Variants in ROBO1 observed in about 807,000 individuals in gnomAD.
ROBO1 encodes roundabout homolog 1.
In ROBO1, 149 loss-of-function variants were observed where a neutral mutation model predicts 195.9. The ratio of observed to expected loss-of-function variants is 0.76; its 90% CI spans 0.67 to 0.87. The LOEUF (loss-of-function observed/expected upper bound fraction) is 0.87. Ranked by LOEUF, ROBO1 falls within the 40% of genes least tolerant of loss-of-function variation. The pLI, the probability that ROBO1 is intolerant of heterozygous loss-of-function variation, is 0.00. For missense variants in ROBO1, 1,933 were observed against 2,068.3 expected (o/e 0.93, Z 1.27); for synonymous variants, 816 against 733.2 (o/e 1.11, Z -1.82).
chr3:78,868,598 G>A (rs1260581518), intron 4 of ROBO1, among the ~76,000 whole-genome samples: 2 of 152,118 alleles, frequency 1.3e-5, no homozygotes, highest in Admixed American at 1.3e-4. Context: ...GCCAAAGGTA[G>A]AGACAAAACT....
At chr3:78,656,040 T>C (rs1706986091) in intron 18 of ROBO1, among the ~76,000 whole-genome samples, 1 of 152,198 alleles carries the variant, frequency 6.6e-6, no homozygotes, top group Admixed American at 6.5e-5. Flanking sequence ...TAGATTTTAC[T>C]AGCATGCACT....
chr3:79,012,936 C>A (rs2077823324), intron 3 of ROBO1, among the ~76,000 whole-genome samples: 1 of 151,976 alleles, frequency 6.6e-6, no homozygotes, highest in African/African-American at 2.4e-5. Flanking sequence ...TCATGCTAAT[C>A]AAGAATTGTA....
intron 8 of ROBO1, among the ~76,000 whole-genome samples, chr3:78,695,200 A>T (rs1012055307): frequency 1.3e-5 from 2 of 152,024 alleles, no homozygotes; most frequent in Non-Finnish European, 2.9e-5. Flanking sequence ...GCACACCATC[A>T]TGGCACATGT....
At chr3:79,337,920 C>CA (rs2034743156) in intron 2 of ROBO1, among the ~76,000 whole-genome samples, 1 of 151,996 alleles carries the variant, frequency 6.6e-6, no homozygotes, top group Admixed American at 6.5e-5. Flanking sequence ...AAAGGCAAAA[C>CA]AAAATATTAT....
At chr3:79,312,685 T>G (rs553881064) in intron 2 of ROBO1, among the ~76,000 whole-genome samples, 4 of 152,328 alleles carry the variant, frequency 2.6e-5, no homozygotes, top group East Asian at 1.9e-4. Flanking sequence ...TAGATTCATG[T>G]TGATTCACTG....
chr3:79,677,524 C>T (rs1946820761), intron 1 of ROBO1, among the ~76,000 whole-genome samples: 1 of 152,066 alleles, frequency 6.6e-6, no homozygotes. Context: ...TATTCACTAT[C>T]ATGAGAACAG....
intron 8 of ROBO1, among the ~76,000 whole-genome samples, chr3:78,711,433 T>C (rs2081734624): frequency 8.7e-6 from 1 of 114,798 alleles, no homozygotes; most frequent in Non-Finnish European, 1.7e-5. Flanking sequence ...CTTTCTTTCT[T>C]TCTTTCTTTC....
At chr3:79,549,075 G>A (rs1942380185) in intron 2 of ROBO1, among the ~76,000 whole-genome samples, 1 of 152,108 alleles carries the variant, frequency 6.6e-6, no homozygotes, top group Non-Finnish European at 1.5e-5. Context: ...TCCATTGGGT[G>A]AAAAATCCTG....
At chr3:79,334,105 A>G (rs1278638604) in intron 2 of ROBO1, among the ~76,000 whole-genome samples, 1 of 151,808 alleles carries the variant, frequency 6.6e-6, no homozygotes, top group Non-Finnish European at 1.5e-5. Context: ...TAGGAGTTGG[A>G]GACCAGCCTG....
At chr3:79,005,714 C>A (rs1210968026) in intron 3 of ROBO1, among the ~76,000 whole-genome samples, 1 of 152,090 alleles carries the variant, frequency 6.6e-6, no homozygotes, top group Non-Finnish European at 1.5e-5. Context: ...GTGCACAAAT[C>A]AATATTTTAT....
At chr3:79,194,348 G>A (rs566426298) in intron 2 of ROBO1, among the ~76,000 whole-genome samples, 22 of 151,608 alleles carry the variant, frequency 1.5e-4, no homozygotes, top group Middle Eastern at 3.2e-3. Context: ...CAGCTTACAC[G>A]GAGATGTCAC....
chr3:79,310,877 T>C (rs184271768), intron 2 of ROBO1, among the ~76,000 whole-genome samples: 1 of 152,242 alleles, frequency 6.6e-6, no homozygotes, highest in Admixed American at 6.5e-5. Flanking sequence ...GTAAGTGTTA[T>C]CAATTTCATT....
chr3:78,674,630 C>A (rs1309182515), intron 10 of ROBO1, among the ~76,000 whole-genome samples: 1 of 152,152 alleles, frequency 6.6e-6, no homozygotes, highest in Non-Finnish European at 1.5e-5. Context: ...AGGGAAGAAT[C>A]CCAAATTCAC....
At chr3:79,335,880 T>C (rs2034645105) in intron 2 of ROBO1, among the ~76,000 whole-genome samples, 1 of 152,188 alleles carries the variant, frequency 6.6e-6, no homozygotes, top group Non-Finnish European at 1.5e-5. Flanking sequence ...AAAATGCTGA[T>C]AGTGATATGG....
At chr3:78,744,236 C>T (rs1488267824) in intron 5 of ROBO1, among the ~76,000 whole-genome samples, 1 of 152,184 alleles carries the variant, frequency 6.6e-6, no homozygotes, top group Non-Finnish European at 1.5e-5. Flanking sequence ...ACAAACACAT[C>T]CAGTCTGTTA....
intron 5 of ROBO1, among the ~76,000 whole-genome samples, chr3:78,725,778 T>TA (rs1338603078): frequency 6.6e-6 from 1 of 152,194 alleles, no homozygotes; most frequent in Non-Finnish European, 1.5e-5. Context: ...CATAAATTCA[T>TA]AAGTTTTTTG....
chr3:79,767,358 A>C (rs540633787), intron 1 of ROBO1, among the ~76,000 whole-genome samples: 125 of 152,214 alleles, frequency 8.2e-4, no homozygotes, highest in African/African-American at 3.0e-3. Flanking sequence ...GTGTGCCCCC[A>C]AGAAGCCAAA....
In ROBO1 at chr3:79,615,131, C is replaced by T. The variant is rs538929240; in HGVS notation, c.-50-25170G>A. On this transcript the variant is annotated intron_variant, in intron 1 of 30. Coordinates refer to ENST00000464233, the MANE Select transcript of ROBO1 (RefSeq NM_002941.4). ...CCTTTGCAATTTAGGCACAATCGAC[C>T]GGTGTAACATTAAAACGGATACTTA... Among the ~76,000 whole-genome samples the T allele has an allele frequency of 4.6e-5, 7 of 152,168 alleles. No individual in the cohort carries two copies. In the East Asian group the frequency reaches 5.8e-4, roughly 13 times the overall value.
rs201521413 is a variant in ROBO1 at position 79,476,326 on chromosome 3, G to A, written c.88+113498C>T. 1.7e-4 allele frequency among the ~76,000 whole-genome samples: 26 copies of A among 152,216 alleles called. No homozygotes were observed. The East Asian group carries it at 2.1e-3, about 12-fold the overall frequency. On this transcript the variant is annotated intron_variant, in intron 2 of 30. Transcript: ENST00000464233. Reference sequence around the variant, plus strand: ...TAGTACAACCATTATGGAAAACAGCGTAGAGATTCCTTAAAGAACTAAATA... The same window carrying A: ...TAGTACAACCATTATGGAAAACAGCATAGAGATTCCTTAAAGAACTAAATA...
Sources: allele counts gnomAD v4.1 joint callset (sites outside exome capture counted in the v4.1 genomes callset), GRCh38; gene constraint gnomAD v4.1.1; transcripts MANE v1.5; gene names NCBI Gene and HGNC (gene_info 2026-07-23, HGNC 2026-07-21).